The following WDR1 variants were observed in gnomAD, a reference collection of about 807,000 sequenced individuals.
WDR1 encodes WD repeat-containing protein 1.
A neutral mutation model predicts 71.9 loss-of-function variants in WDR1; 21 were observed. That is an observed-to-expected ratio of 0.29 (90% CI 0.21 to 0.42). WDR1 has a LOEUF of 0.42. WDR1 is among the 10% of genes least tolerant of loss of function. WDR1 has a pLI of 1.00. For missense variants in WDR1, 696 were observed against 824.5 expected, an observed-to-expected ratio of 0.84 and a Z score of 1.91; for synonymous variants, 424 against 347.4, an observed-to-expected ratio of 1.22 and a Z score of -2.45.
At chr4:10,088,440 A>G in intron 6 of WDR1, 67 bp from the exon 7 acceptor site, 5 of 1,467,048 alleles carry the variant, frequency 3.4e-6, no homozygotes, top group Non-Finnish European at 4.7e-6. Context: ...CAGTTTCTCC[A>G]TGGACTGTGG....
chr4:10,076,744 A>T (rs1232877195), intron 14 of WDR1: 1 of 152,740 alleles, frequency 6.5e-6, no homozygotes, highest in African/African-American at 2.4e-5. Context: ...AGGGGACTTG[A>T]CTACACACTA....
At chr4:10,090,632 G>C (rs1300423301) in intron 5 of WDR1, among the ~76,000 whole-genome samples, 1 of 152,220 alleles carries the variant, frequency 6.6e-6, no homozygotes, top group African/African-American at 2.4e-5. Flanking sequence ...CCTCCTCAGG[G>C]TGCTGCCAAG....
At chr4:10,113,813 G>T (rs898223443) in intron 2 of WDR1, among the ~76,000 whole-genome samples, 3 of 152,248 alleles carry the variant, frequency 2.0e-5, no homozygotes, top group African/African-American at 4.8e-5. Flanking sequence ...AGTGAAACAG[G>T]AGTCCAAGGT....
chr4:10,115,980 C>A (rs1713694030), intron 2 of WDR1, 133 bp downstream of exon 2: 1 of 1,282,858 alleles, frequency 7.8e-7, no homozygotes, highest in East Asian at 2.6e-5. Context: ...GGTGTGGCTC[C>A]CGGTAGAGGG....
intron 11 of WDR1, 135 bp from the exon 12 acceptor site, chr4:10,079,136 C>T (rs1222816968): frequency 1.6e-6 from 1 of 631,700 alleles, no homozygotes; most frequent in Non-Finnish European, 2.7e-6. Context: ...TGCAGGGCCA[C>T]CTGGGGCTCT....
At position 10,106,969 on chromosome 4, in the gene WDR1, C is replaced by T. The variant is rs1049169989; in HGVS notation, c.139-2983G>A. ...TGACACCCTCAGTGTGCCCCTCTCC[C>T]CCCAGCCTCCTCCCCCTCCTTCCAT... On this transcript the variant is annotated intron_variant, in intron 2 of 14. Transcript: ENST00000499869. Among the ~76,000 whole-genome samples, 4 of 152,098 alleles carry T rather than the reference C, an allele frequency of 2.6e-5. No individual in the cohort carries two copies. In the South Asian group the frequency reaches 8.3e-4, roughly 32 times the overall value.
chr4:10,110,216 A>C (rs1713269495), intron 2 of WDR1, among the ~76,000 whole-genome samples: 1 of 152,198 alleles, frequency 6.6e-6, no homozygotes, highest in Non-Finnish European at 1.5e-5. Flanking sequence ...GCACATCGCC[A>C]GGGCAGGGAG....
intron 5 of WDR1, among the ~76,000 whole-genome samples, chr4:10,093,884 A>G (rs2109668539): frequency 6.6e-6 from 1 of 152,364 alleles, no homozygotes; most frequent in South Asian, 2.1e-4. Context: ...GAAATATGAA[A>G]AAGAAAAACC....
At chr4:10,115,598 C>G (rs1713663623) in intron 2 of WDR1, among the ~76,000 whole-genome samples, 1 of 152,204 alleles carries the variant, frequency 6.6e-6, no homozygotes, top group Non-Finnish European at 1.5e-5. Context: ...GGGACGCCAG[C>G]AGCTCATTCA....
intron 12 of WDR1, chr4:10,078,576 G>A (rs1764886933): frequency 7.9e-6 from 2 of 254,424 alleles, no homozygotes; most frequent in South Asian, 1.1e-4. Flanking sequence ...CCCTCCTGCC[G>A]CCACTCATGG....
intron 11 of WDR1, among the ~76,000 whole-genome samples, chr4:10,080,092 T>A (rs899824488): frequency 6.6e-6 from 1 of 151,888 alleles, no homozygotes; most frequent in African/African-American, 2.4e-5. Context: ...CATGAGGAGG[T>A]GCAGAGACCT....
At chr4:10,103,289 GACACACACACACACAC>G (rs5856034) in intron 3 of WDR1, among the ~76,000 whole-genome samples, 20 of 147,022 alleles carry the variant, frequency 1.4e-4, no homozygotes, top group Admixed American at 3.3e-4. Flanking sequence ...CACACACACA[GACACACACACACACAC>G]ACACACACAC....
intron 2 of WDR1, among the ~76,000 whole-genome samples, chr4:10,109,598 A>G (rs1164063220): frequency 2.0e-5 from 3 of 152,190 alleles, no homozygotes; most frequent in Admixed American, 1.3e-4. Flanking sequence ...TCAGCCTCAG[A>G]TGCCTTGAAA....
intron 2 of WDR1, among the ~76,000 whole-genome samples, chr4:10,107,928 C>G (rs1048355479): frequency 6.6e-6 from 1 of 152,202 alleles, no homozygotes; most frequent in African/African-American, 2.4e-5. Context: ...CCCGGGAGGC[C>G]ATTCTACTCT....
In WDR1 at chr4:10,116,643, G is replaced by A. The variant is rs1489601545; in HGVS notation, c.16+8C>T. The A allele has an allele frequency of 2.3e-6, 3 of 1,305,908 alleles. No homozygotes were observed. Among genetic ancestry groups the A allele is most frequent in the South Asian group, 2.1e-5 (1 of 47,858 alleles). The allele number at this position is 1,305,908 out of a possible 1,614,324, so 80.9% of individuals were successfully genotyped here. ...GGCCGCTCGGGGGCCCCGCGCCGCG[G>A]CACTTACTGATCTCGTACGGCATCC... On this transcript the variant is annotated splice_region_variant and intron_variant, in intron 1 of 14. Transcript: ENST00000499869.
chr4:10,110,034 C>T (rs1430703528), intron 2 of WDR1, among the ~76,000 whole-genome samples: 7 of 147,990 alleles, frequency 4.7e-5, no homozygotes, highest in Non-Finnish European at 7.5e-5. Flanking sequence ...CAGACCAGCA[C>T]AAAATACACT....
intron 2 of WDR1, among the ~76,000 whole-genome samples, chr4:10,112,827 C>T (rs901088876): frequency 6.6e-6 from 1 of 152,214 alleles, no homozygotes; most frequent in African/African-American, 2.4e-5. Context: ...GCCAGACACT[C>T]TCTTAGGCGA....
chr4:10,098,933 G>A (rs1712520292), intron 4 of WDR1, 59 bp downstream of exon 4: 47 of 1,603,794 alleles, frequency 2.9e-5, no homozygotes, highest in Non-Finnish European at 4.0e-5. Flanking sequence ...CAGGGTCATA[G>A]CACATGGACG....
At chr4:10,089,619 C>T (rs560419990) in intron 5 of WDR1, among the ~76,000 whole-genome samples, 17 of 152,348 alleles carry the variant, frequency 1.1e-4, no homozygotes, top group African/African-American at 4.1e-4. Flanking sequence ...TGCCCTCTTG[C>T]TGCCCACCTG....
Sources: gnomAD v4.1 joint callset for allele counts (sites outside exome capture counted in the v4.1 genomes callset) on GRCh38, gnomAD v4.1.1 for gene constraint, MANE v1.5 for transcripts, NCBI Gene and HGNC (gene_info 2026-07-23, HGNC 2026-07-21) for gene names.